ATXN7L1: variants seen among roughly 807,000 people sequenced by gnomAD.
ATXN7L1 encodes the protein ataxin-7-like protein 1.
A neutral mutation model predicts 70.8 loss-of-function variants in ATXN7L1; 15 were observed. The observed-to-expected ratio is 0.21, with a 90% CI of 0.14 to 0.33. The LOEUF is 0.33. ATXN7L1 is among the 10% of genes least tolerant of loss of function. ATXN7L1 has a pLI of 1.00. For synonymous variants in ATXN7L1, 440 were observed against 445.1 expected (o/e 0.99, Z 0.14); for missense variants, 975 against 1,097.1 (o/e 0.89, Z 1.57).
chr7:105,788,061 C>G (rs767989832), intron 3 of ATXN7L1: 1 of 153,652 alleles, frequency 6.5e-6, no homozygotes, highest in Non-Finnish European at 1.4e-5. Flanking sequence ...TGTTTAGAGA[C>G]GGAAAGCAGT....
chr7:105,707,186 A>G (rs1442088533), intron 3 of ATXN7L1, among the ~76,000 whole-genome samples: 1 of 152,174 alleles, frequency 6.6e-6, no homozygotes, highest in Non-Finnish European at 1.5e-5. Context: ...GCAGCATCTT[A>G]GAAGAAATGG....
chr7:105,636,830 C>T (rs981291163), intron 7 of ATXN7L1, among the ~76,000 whole-genome samples: 6 of 152,086 alleles, frequency 3.9e-5, no homozygotes, highest in South Asian at 2.1e-4. Context: ...TGAGCTTAGC[C>T]GGCTTCAGGT....
At chr7:105,732,037 G>T (rs1483532436) in intron 3 of ATXN7L1, among the ~76,000 whole-genome samples, 2 of 152,058 alleles carry the variant, frequency 1.3e-5, no homozygotes, top group Admixed American at 1.3e-4. Context: ...AGGTTGCAGT[G>T]AACTGAGATT....
At chr7:105,727,774 ATATACACACACATACACAC>A (rs1796062604) in intron 3 of ATXN7L1, among the ~76,000 whole-genome samples, 1 of 124,458 alleles carries the variant, frequency 8.0e-6, no homozygotes, top group Admixed American at 8.2e-5. Flanking sequence ...ATATATATAT[ATATACACACACATACACAC>A]ATATATATAT....
At chr7:105,857,590 A>T (rs368194396) in intron 2 of ATXN7L1, among the ~76,000 whole-genome samples, 2 of 152,194 alleles carry the variant, frequency 1.3e-5, no homozygotes, top group Non-Finnish European at 2.9e-5. Context: ...GGTTCACCAG[A>T]CCCAGGCTAA....
At chr7:105,729,690 A>G (rs1264000630) in intron 3 of ATXN7L1, among the ~76,000 whole-genome samples, 1 of 150,830 alleles carries the variant, frequency 6.6e-6, no homozygotes, top group Non-Finnish European at 1.5e-5. Context: ...TTGGCCTCCC[A>G]GAGTGTGGGG....
At chr7:105,656,592 A>G (rs528492304) in intron 4 of ATXN7L1, among the ~76,000 whole-genome samples, 6 of 68,894 alleles carry the variant, frequency 8.7e-5, no homozygotes, top group Non-Finnish European at 1.6e-4. Context: ...TTTTTTTTTG[A>G]GATAGTCTCG....
intron 3 of ATXN7L1, among the ~76,000 whole-genome samples, chr7:105,783,039 C>A (rs1803764210): frequency 6.6e-6 from 1 of 152,152 alleles, no homozygotes; most frequent in African/African-American, 2.4e-5. Flanking sequence ...ACGATACAAC[C>A]TTTTTCTGTG....
rs532171308 is a variant in ATXN7L1 at position 105,748,989 on chromosome 7, A to C, written c.355+39615T>G. 6.8e-4 allele frequency among the ~76,000 whole-genome samples: 104 copies of C among 152,340 alleles called. 1 individual carries two copies. Among genetic ancestry groups the C allele is most frequent in the Admixed American group, 3.3e-3 (50 of 15,302 alleles). On this transcript the variant is annotated intron_variant, in intron 3 of 11. Coordinates refer to ENST00000419735, the MANE Select transcript of ATXN7L1 (RefSeq NM_020725.2). ...GTGAGAGAGACAATGCTTGGGCACC[A>C]TTCTAAATTATCTGCATGAGGAGAA... is the stretch of plus-strand genomic sequence containing the variant.
chr7:105,875,086 G>A (rs891200581), intron 2 of ATXN7L1: 5 of 152,634 alleles, frequency 3.3e-5, no homozygotes, highest in African/African-American at 7.2e-5. Flanking sequence ...CATACGGCAG[G>A]CTTGCAAATG....
intron 3 of ATXN7L1, among the ~76,000 whole-genome samples, chr7:105,777,434 A>G (rs2116455059): frequency 6.6e-6 from 1 of 152,086 alleles, no homozygotes; most frequent in East Asian, 1.9e-4. Flanking sequence ...GTCTTACTCA[A>G]CCTCTTGGCA....
At chr7:105,730,238 C>T (rs565247282) in intron 3 of ATXN7L1, among the ~76,000 whole-genome samples, 1 of 152,290 alleles carries the variant, frequency 6.6e-6, no homozygotes, top group Admixed American at 6.5e-5. Flanking sequence ...GTACATTACC[C>T]TTGATGTATG....
chr7:105,736,006 C>G (rs1331928742), intron 3 of ATXN7L1, among the ~76,000 whole-genome samples: 1 of 152,154 alleles, frequency 6.6e-6, no homozygotes, highest in African/African-American at 2.4e-5. Context: ...CCCTTAAAAA[C>G]TGGGGCTGAA....
intron 3 of ATXN7L1, among the ~76,000 whole-genome samples, chr7:105,781,259 C>G (rs1362754680): frequency 6.6e-6 from 1 of 152,114 alleles, no homozygotes; most frequent in Non-Finnish European, 1.5e-5. Context: ...CCCAAAAAAT[C>G]CTACTTCTTT....
intron 2 of ATXN7L1, among the ~76,000 whole-genome samples, chr7:105,811,722 CA>C (rs1935257327): frequency 6.6e-6 from 1 of 152,100 alleles, no homozygotes; most frequent in Non-Finnish European, 1.5e-5. Flanking sequence ...TGGGGCACTC[CA>C]AAGCTGAGAC....
At chr7:105,809,163 C>G (rs982794608) in intron 2 of ATXN7L1, among the ~76,000 whole-genome samples, 1 of 152,214 alleles carries the variant, frequency 6.6e-6, no homozygotes, top group Non-Finnish European at 1.5e-5. Context: ...CCTTTATAAG[C>G]TGCGAGCACT....
chr7:105,876,230 T>C (rs1819271790), intron 1 of ATXN7L1, 148 bp downstream of exon 1: 2 of 1,109,974 alleles, frequency 1.8e-6, no homozygotes, highest in African/African-American at 1.6e-5. Context: ...GATCTGTCTC[T>C]GTGTGTATTT....
At chr7:105,860,134 TATATATATATATAC>T (rs1380235865) in intron 2 of ATXN7L1, among the ~76,000 whole-genome samples, 1,912 of 77,942 alleles carry the variant, frequency 0.025, 52 homozygotes, top group Middle Eastern at 0.051. Context: ...TGTAAATATA[TATATATATATATAC>T]ATATATATAT....
At chr7:105,812,677 TG>T (rs1808599862) in intron 2 of ATXN7L1, among the ~76,000 whole-genome samples, 1 of 152,176 alleles carries the variant, frequency 6.6e-6, no homozygotes, top group African/African-American at 2.4e-5. Context: ...ACTGTGGCAT[TG>T]TTCTAGGTGT....
Sources: allele counts gnomAD v4.1 joint callset (sites outside exome capture counted in the v4.1 genomes callset), GRCh38; gene constraint gnomAD v4.1.1; transcripts MANE v1.5; gene names NCBI Gene and HGNC (gene_info 2026-07-23, HGNC 2026-07-21).